The following ELAVL2 variants were observed in gnomAD, a reference collection of about 807,000 sequenced individuals.
ELAVL2 encodes the protein ELAV like RNA binding protein 2.
Under a neutral mutation model 34.6 loss-of-function variants are expected in ELAVL2, and 4 were observed. The observed-to-expected ratio is 0.12, with a 90% confidence interval of 0.06 to 0.26. ELAVL2 has a LOEUF of 0.26. ELAVL2 is among the 10% of genes least tolerant of loss of function. ELAVL2 has a pLI of 1.00. For missense variants in ELAVL2, 432 were observed against 442.8 expected, an observed-to-expected ratio of 0.98 and a Z score of 0.22; for synonymous variants, 193 against 154.8, an observed-to-expected ratio of 1.25 and a Z score of -1.83.
At chr9:23,719,697 C>T (rs979827156) in intron 3 of ELAVL2, among the ~76,000 whole-genome samples, 1 of 152,038 alleles carries the variant, frequency 6.6e-6, no homozygotes, top group South Asian at 2.1e-4. Flanking sequence ...TATAATAGAG[C>T]AAATTCCCAT....
chr9:23,820,828 G>A (rs1236159255), intron 1 of ELAVL2, among the ~76,000 whole-genome samples: 1 of 152,214 alleles, frequency 6.6e-6, no homozygotes, highest in African/African-American at 2.4e-5. Flanking sequence ...TCCCAGAGCC[G>A]GCCTCGCCCG....
At chr9:23,846,451 G>A in the ELAVL2 span, among the ~76,000 whole-genome samples, 2 of 151,820 alleles carry the variant, frequency 1.3e-5, no homozygotes, top group African/African-American at 4.8e-5. Context: ...TAAAAGTCTT[G>A]AAAATGAAAA....
chr9:23,753,964 A>T (rs1229803764), intron 2 of ELAVL2, among the ~76,000 whole-genome samples: 2 of 152,184 alleles, frequency 1.3e-5, no homozygotes, highest in African/African-American at 4.8e-5. Context: ...GACTATTCCT[A>T]ATCTACTGGT....
chr9:23,739,838 C>T (rs2048745615), intron 2 of ELAVL2, among the ~76,000 whole-genome samples: 1 of 151,980 alleles, frequency 6.6e-6, no homozygotes, highest in Non-Finnish European at 1.5e-5. Context: ...AGAGGCAGTA[C>T]AGCTTCTTAA....
intron 1 of ELAVL2, among the ~76,000 whole-genome samples, chr9:23,785,772 A>G (rs1023410758): frequency 2.6e-5 from 4 of 152,248 alleles, no homozygotes; most frequent in African/African-American, 4.8e-5. Flanking sequence ...TCTGAGCAGA[A>G]TAACAGATCA....
chr9:23,776,083 G>A (rs763513499), intron 1 of ELAVL2, among the ~76,000 whole-genome samples: 1 of 152,178 alleles, frequency 6.6e-6, no homozygotes, highest in Admixed American at 6.5e-5. Context: ...TCCCTGCCAA[G>A]TGGGAAAAAT....
intron 1 of ELAVL2, among the ~76,000 whole-genome samples, chr9:23,771,033 T>A (rs1170269657): frequency 6.6e-6 from 1 of 152,144 alleles, no homozygotes; most frequent in Non-Finnish European, 1.5e-5. Context: ...ATAAAAGGTT[T>A]TCAGCAAAAG....
At chr9:23,776,904 T>C (rs1564414640) in intron 1 of ELAVL2, among the ~76,000 whole-genome samples, 1 of 152,164 alleles carries the variant, frequency 6.6e-6, no homozygotes, top group Non-Finnish European at 1.5e-5. Context: ...ACAGCATTGA[T>C]ACTGAACATT....
chr9:23,755,858 G>T (rs544798206), intron 2 of ELAVL2, among the ~76,000 whole-genome samples: 1 of 152,092 alleles, frequency 6.6e-6, no homozygotes, highest in Non-Finnish European at 1.5e-5. Flanking sequence ...TGGTCTGCAA[G>T]AATCAGAATT....
At chr9:23,759,063 T>C (rs2054254064) in intron 2 of ELAVL2, among the ~76,000 whole-genome samples, 1 of 152,038 alleles carries the variant, frequency 6.6e-6, no homozygotes, top group Admixed American at 6.6e-5. Context: ...TCCCCACTAC[T>C]GCATGTTAAC....
chr9:23,834,237 T>C, the ELAVL2 span, among the ~76,000 whole-genome samples: 2 of 152,042 alleles, frequency 1.3e-5, no homozygotes, highest in South Asian at 2.1e-4. Context: ...TTTATCCTTA[T>C]AAATTTTTGT....
rs186306285 is a variant in ELAVL2 at position 23,771,833 on chromosome 9, T to C, written c.-15-9584A>G. 2.6e-3 allele frequency among the ~76,000 whole-genome samples: 391 copies of C among 152,332 alleles called. 1 individual carries two copies. Among genetic ancestry groups the C allele is most frequent in the African/African-American group, 8.1e-3 (338 of 41,580 alleles). ...CTGTATTTTTCAACAGGGTCATTTATATACCTCTACAATAGTAAAGGTTAA... is the reference window on the plus strand; with the variant it reads ...CTGTATTTTTCAACAGGGTCATTTACATACCTCTACAATAGTAAAGGTTAA... On this transcript the variant is annotated intron_variant, in intron 1 of 6. Coordinates refer to ENST00000397312, the MANE Select transcript of ELAVL2 (RefSeq NM_004432.5).
rs2037097351 is a variant in ELAVL2, at chr9:23,701,254, T to C, written c.713+125A>G. ...TGTGCCCATGGAGATGAAAAATTAA[T>C]AGTAATAAAACCAACAACACTGACA... is the stretch of plus-strand genomic sequence containing the variant. On this transcript the variant is annotated intron_variant, in intron 5 of 6. Coordinates refer to ENST00000397312, the MANE Select transcript of ELAVL2 (RefSeq NM_004432.5). 4 of 991,336 alleles carry C rather than the reference T, an allele frequency of 4.0e-6. No individual in the cohort carries two copies. In the South Asian group the frequency reaches 4.7e-5, roughly 12 times the overall value. The allele number at this position is 991,336 out of a possible 1,614,324, so 61.4% of individuals were successfully genotyped here.
chr9:23,705,917 G>C (rs1411885486), intron 3 of ELAVL2, among the ~76,000 whole-genome samples: 2 of 152,130 alleles, frequency 1.3e-5, no homozygotes, highest in East Asian at 3.9e-4. Flanking sequence ...CAAATTCATG[G>C]AACATTTTTG....
chr9:23,702,732 G>A (rs727758), intron 4 of ELAVL2, among the ~76,000 whole-genome samples: 40,363 of 151,562 alleles, frequency 0.27, 6,966 homozygotes, highest in African/African-American at 0.49. Flanking sequence ...TCTATTTAAA[G>A]AGCATGCATT....
the ELAVL2 span, among the ~76,000 whole-genome samples, chr9:23,836,743 A>C: frequency 1.3e-5 from 2 of 152,010 alleles, no homozygotes; most frequent in African/African-American, 2.4e-5. Flanking sequence ...AATTTGTTGG[A>C]GTATACCAGC....
rs189212383 is a variant in ELAVL2 at position 23,702,844 on chromosome 9, G to A, written c.488-1240C>T. Among the ~76,000 whole-genome samples the A allele has an allele frequency of 5.9e-4, 85 of 144,908 alleles. 1 individual carries two copies. In the East Asian group the frequency reaches 0.016, roughly 27 times the overall value. On this transcript the variant is annotated intron_variant, in intron 4 of 6. Transcript: ENST00000397312. ...TCACTTTGAAAGCCTTAAGTATGAA[G>A]AATAAATAGTGAAATGATAGCAAAT... is the stretch of plus-strand genomic sequence containing the variant.
intron 2 of ELAVL2, among the ~76,000 whole-genome samples, chr9:23,755,762 T>C (rs2053404393): frequency 6.6e-6 from 1 of 152,164 alleles, no homozygotes; most frequent in Admixed American, 6.6e-5. Context: ...TTCTGCCATC[T>C]TTCTAATTAA....
At chr9:23,783,778 T>A (rs760875473) in intron 1 of ELAVL2, among the ~76,000 whole-genome samples, 10 of 151,590 alleles carry the variant, frequency 6.6e-5, no homozygotes, top group Non-Finnish European at 1.2e-4. Context: ...AGAGATTGTA[T>A]CTGGATGACA....
Sources: allele counts gnomAD v4.1 joint callset (sites outside exome capture counted in the v4.1 genomes callset), GRCh38; gene constraint gnomAD v4.1.1; transcripts MANE v1.5; gene names NCBI Gene and HGNC (gene_info 2026-07-23, HGNC 2026-07-21).